NKAIN2: variants seen among roughly 807,000 people sequenced by gnomAD.
NKAIN2 encodes sodium/potassium transporting ATPase interacting 2, also known as sodium/potassium-transporting ATPase subunit beta-1-interacting protein 2.
A neutral mutation model predicts 32.6 loss-of-function variants in NKAIN2; 14 were observed. The observed-to-expected ratio is 0.43, with a 90% CI of 0.28 to 0.67. The LOEUF (loss-of-function observed/expected upper bound fraction) is 0.67. Among genes scored for constraint, NKAIN2 ranks in the 30% least tolerant of loss-of-function variants. The probability of loss-of-function intolerance (pLI) is 0.17; values close to 1 mark genes in which losing one functional copy is unlikely to be tolerated. For missense variants in NKAIN2, 198 were observed against 258.3 expected (o/e 0.77, Z 1.60); for synonymous variants, 80 against 87.2 (o/e 0.92, Z 0.46).
At chr6:124,107,963 T>C (rs1785195947) in intron 1 of NKAIN2, among the ~76,000 whole-genome samples, 2 of 152,202 alleles carry the variant, frequency 1.3e-5, no homozygotes, top group African/African-American at 4.8e-5. Context: ...ATCTTGGCTA[T>C]TATAAGTAAT....
intron 3 of NKAIN2, among the ~76,000 whole-genome samples, chr6:124,616,470 T>C (rs372721128): frequency 3.5e-5 from 1 of 28,448 alleles, no homozygotes; most frequent in African/African-American, 9.7e-5. Flanking sequence ...TTTTTTTTTT[T>C]TTTTTTTTTT....
rs532452340 is a variant in NKAIN2, at chr6:124,148,362, T to A, written c.55-134643T>A. Among the ~76,000 whole-genome samples the A allele has an allele frequency of 7.9e-5, 12 of 152,248 alleles. No individual in the cohort carries two copies. In the East Asian group the frequency reaches 1.2e-3, roughly 15 times the overall value. On this transcript the variant is annotated intron_variant, in intron 1 of 6. Transcript: ENST00000368417. Reference sequence around the variant, plus strand: ...ATTATCACAGTCCAAATGTAGAACATTTCATCAAAAAGAAACTCCATCTCC... The same window carrying A: ...ATTATCACAGTCCAAATGTAGAACAATTCATCAAAAAGAAACTCCATCTCC...
chr6:124,286,294 T>G (rs1045498999), intron 2 of NKAIN2, among the ~76,000 whole-genome samples: 1 of 152,142 alleles, frequency 6.6e-6, no homozygotes, highest in African/African-American at 2.4e-5. Context: ...TCTATTATAT[T>G]AAATAATTCC....
intron 3 of NKAIN2, among the ~76,000 whole-genome samples, chr6:124,529,357 T>A (rs182172746): frequency 8.6e-4 from 131 of 152,328 alleles, no homozygotes; most frequent in Admixed American, 2.4e-3. Flanking sequence ...TGTTTGTGCA[T>A]TGGCTTCACT....
At chr6:124,799,545 GATTC>G (rs1332271489) in intron 5 of NKAIN2, among the ~76,000 whole-genome samples, 1 of 152,170 alleles carries the variant, frequency 6.6e-6, no homozygotes, top group Non-Finnish European at 1.5e-5. Flanking sequence ...GAAAGAAGCT[GATTC>G]ATTCTCTCTC....
chr6:124,070,732 C>T (rs1471977893), intron 1 of NKAIN2, among the ~76,000 whole-genome samples: 1 of 152,152 alleles, frequency 6.6e-6, no homozygotes, highest in Non-Finnish European at 1.5e-5. Flanking sequence ...CTACCAACAT[C>T]ATCTTTCACA....
intron 1 of NKAIN2, among the ~76,000 whole-genome samples, chr6:123,922,124 C>T (rs1467642149): frequency 1.3e-5 from 2 of 152,140 alleles, no homozygotes; most frequent in African/African-American, 2.4e-5. Flanking sequence ...GTCCAGCAGC[C>T]AAATGTTCTT....
At chr6:124,336,427 A>G (rs185007678) in intron 2 of NKAIN2, among the ~76,000 whole-genome samples, 2 of 152,270 alleles carry the variant, frequency 1.3e-5, no homozygotes, top group East Asian at 3.9e-4. Flanking sequence ...TTATACAAGG[A>G]AAGGAGCTTT....
chr6:123,916,821 C>CTGTT (rs1554223154), intron 1 of NKAIN2, among the ~76,000 whole-genome samples: 2 of 33,636 alleles, frequency 5.9e-5, no homozygotes, highest in Non-Finnish European at 1.0e-4. Context: ...ATGTATCTAT[C>CTGTT]TATCTATTTA....
At position 124,288,040 on chromosome 6, in the gene NKAIN2, A is replaced by C. The variant is rs150353988; in HGVS notation, c.192+4898A>C. ...GAAAAAAAAAGTTTCAAAATAGCTG[A>C]AAATCTATTACTCAGATTTTATAGA... is the stretch of plus-strand genomic sequence containing the variant. On this transcript the variant is annotated intron_variant, in intron 2 of 6. Transcript: ENST00000368417. Among the ~76,000 whole-genome samples, 598 of 152,324 alleles carry C rather than the reference A, an allele frequency of 3.9e-3. 2 individuals carry two copies. The highest frequency in any genetic ancestry group is 0.013 in the African/African-American group (528 of 41,570).
intron 2 of NKAIN2, among the ~76,000 whole-genome samples, chr6:124,344,068 G>A (rs1212833164): frequency 1.3e-5 from 2 of 152,174 alleles, no homozygotes; most frequent in African/African-American, 2.4e-5. Flanking sequence ...AGTTTTCCCA[G>A]CACCATTTAT....
chr6:124,451,711 G>A (rs947905227), intron 3 of NKAIN2, among the ~76,000 whole-genome samples: 1 of 152,108 alleles, frequency 6.6e-6, no homozygotes, highest in Non-Finnish European at 1.5e-5. Flanking sequence ...AGAATGAATA[G>A]ATTTCTTTCT....
intron 4 of NKAIN2, among the ~76,000 whole-genome samples, chr6:124,760,069 T>C (rs566566057): frequency 1.3e-5 from 2 of 152,110 alleles, no homozygotes; most frequent in South Asian, 2.1e-4. Flanking sequence ...CTGTTAAAAA[T>C]GGGCAGTTTC....
intron 1 of NKAIN2, among the ~76,000 whole-genome samples, chr6:124,165,775 T>C (rs1788505559): frequency 6.7e-6 from 1 of 149,140 alleles, no homozygotes. Context: ...TGTTTGGTTT[T>C]TTGTCCTTGC....
chr6:124,784,029 A>G (rs1013008672), intron 4 of NKAIN2, among the ~76,000 whole-genome samples: 1 of 152,198 alleles, frequency 6.6e-6, no homozygotes, highest in Non-Finnish European at 1.5e-5. Flanking sequence ...TAAAGGCACA[A>G]AATTAAAATG....
At chr6:123,892,613 G>A (rs901582753) in intron 1 of NKAIN2, among the ~76,000 whole-genome samples, 2 of 151,910 alleles carry the variant, frequency 1.3e-5, no homozygotes, top group African/African-American at 2.4e-5. Flanking sequence ...GACCCAAACC[G>A]TATCAATGAC....
intron 3 of NKAIN2, among the ~76,000 whole-genome samples, chr6:124,630,818 A>G (rs1783536388): frequency 1.3e-5 from 2 of 152,186 alleles, no homozygotes; most frequent in East Asian, 1.9e-4. Flanking sequence ...GTCCACGCGA[A>G]GTAACAATGT....
chr6:124,681,933 C>T (rs1773643020), intron 4 of NKAIN2, among the ~76,000 whole-genome samples: 1 of 151,372 alleles, frequency 6.6e-6, no homozygotes. Flanking sequence ...GCAAAGAAAC[C>T]ATGAAAGAAA....
chr6:124,762,029 TATTAG>T (rs1170636347), intron 4 of NKAIN2, among the ~76,000 whole-genome samples: 1 of 152,160 alleles, frequency 6.6e-6, no homozygotes, highest in Non-Finnish European at 1.5e-5. Flanking sequence ...TAGAAGTAAC[TATTAG>T]ATGTTTGGTG....
Sources: allele counts gnomAD v4.1 joint callset (sites outside exome capture counted in the v4.1 genomes callset), GRCh38; gene constraint gnomAD v4.1.1; transcripts MANE v1.5; gene names NCBI Gene and HGNC (gene_info 2026-07-23, HGNC 2026-07-21).